UBE2G1: variants seen among roughly 807,000 people sequenced by gnomAD.
UBE2G1 encodes ubiquitin conjugating enzyme E2 G1, also known as ubiquitin-conjugating enzyme E2 G1.
In UBE2G1, 5 loss-of-function variants were observed where a neutral mutation model predicts 22.7. That is an observed-to-expected ratio of 0.22 (90% confidence interval 0.12 to 0.46). The LOEUF (loss-of-function observed/expected upper bound fraction) is 0.46. UBE2G1 is among the 20% of genes least tolerant of loss of function. The pLI, the probability that UBE2G1 is intolerant of heterozygous loss-of-function variation, is 0.99. For missense variants in UBE2G1, 88 were observed against 203.9 expected, an observed-to-expected ratio of 0.43 and a Z score of 3.46; for synonymous variants, 74 against 67.5, an observed-to-expected ratio of 1.10 and a Z score of -0.47.
chr17:4,294,835 C>T (rs1209888436), intron 3 of UBE2G1, among the ~76,000 whole-genome samples: 1 of 152,002 alleles, frequency 6.6e-6, no homozygotes, highest in Non-Finnish European at 1.5e-5. Context: ...CCCAGGAGGT[C>T]AAGGCTGCAG....
chr17:4,340,458 A>G (rs1969698043), intron 1 of UBE2G1, among the ~76,000 whole-genome samples: 1 of 152,102 alleles, frequency 6.6e-6, no homozygotes, highest in Non-Finnish European at 1.5e-5. Context: ...CTACAATTAC[A>G]TGTTGAGGGA....
At chr17:4,285,049 G>A (rs1481736756) in intron 4 of UBE2G1, among the ~76,000 whole-genome samples, 2 of 151,778 alleles carry the variant, frequency 1.3e-5, no homozygotes, top group East Asian at 1.9e-4. Context: ...TTACCATGTC[G>A]CCTAGGCTGG....
chr17:4,322,364 G>T (rs1303073678), intron 1 of UBE2G1, among the ~76,000 whole-genome samples: 1 of 152,210 alleles, frequency 6.6e-6, no homozygotes, highest in African/African-American at 2.4e-5. Flanking sequence ...CTCACCCTCT[G>T]TTGTATCTTC....
At chr17:4,325,493 C>T (rs1376753054) in intron 1 of UBE2G1, among the ~76,000 whole-genome samples, 1 of 152,076 alleles carries the variant, frequency 6.6e-6, no homozygotes. Flanking sequence ...GCTGGAAAGA[C>T]AAAAGTAAAA....
intron 1 of UBE2G1, among the ~76,000 whole-genome samples, chr17:4,349,734 T>C (rs981678086): frequency 3.3e-5 from 5 of 151,264 alleles, no homozygotes; most frequent in African/African-American, 9.7e-5. Context: ...TCCCAGCTAC[T>C]CGGGAGGCTG....
At chr17:4,275,864 T>C (rs1968815423) in intron 5 of UBE2G1, among the ~76,000 whole-genome samples, 1 of 152,182 alleles carries the variant, frequency 6.6e-6, no homozygotes, top group Admixed American at 6.5e-5. Flanking sequence ...CCGCTGACTT[T>C]TTCCCCCACA....
rs114537138 is a variant in UBE2G1 at position 4,355,228 on chromosome 17, C to T, written c.46+11043G>A. ...TGTTGGCCATGGCTTATCTCAAACT[C>T]CTGACCTCAGGTGATCCACCTGCCT... On this transcript the variant is annotated intron_variant, in intron 1 of 5. Coordinates refer to ENST00000396981, the MANE Select transcript of UBE2G1 (RefSeq NM_003342.5). 6.2e-3 allele frequency among the ~76,000 whole-genome samples: 937 copies of T among 151,492 alleles called. 6 individuals carry two copies. The highest frequency in any genetic ancestry group is 0.021 in the African/African-American group (882 of 41,372).
intron 1 of UBE2G1, among the ~76,000 whole-genome samples, chr17:4,350,088 G>A (rs147808063): frequency 2.5e-3 from 385 of 152,000 alleles, no homozygotes; most frequent in African/African-American, 8.6e-3. Context: ...TGCACCCAGC[G>A]CTTAAAACTT....
At chr17:4,339,612 T>C (rs1302014501) in intron 1 of UBE2G1, among the ~76,000 whole-genome samples, 1 of 152,122 alleles carries the variant, frequency 6.6e-6, no homozygotes, top group East Asian at 1.9e-4. Context: ...GCTCAAGCTC[T>C]TAACTCTTTT....
chr17:4,290,644 C>CTTT (rs372483601), intron 3 of UBE2G1, among the ~76,000 whole-genome samples: 74,113 of 137,894 alleles, frequency 0.54, 22,837 homozygotes, highest in East Asian at 0.79. Flanking sequence ...GCTAACCTGA[C>CTTT]TTTTTTTTTT....
rs1238768389 is a variant in UBE2G1, at chr17:4,294,939, G to GGAGGGAGGGAGCGAGA, written c.247+1762_247+1777dup. ...ACGGAATGGGAGAAACGTACGTGAG[G>GGAGGGAGGGAGCGAGA]GAGGGAGGGAGCGAGAGAGGGAGAG... On this transcript the variant is annotated intron_variant, in intron 3 of 5. Coordinates refer to ENST00000396981, the MANE Select transcript of UBE2G1 (RefSeq NM_003342.5). 4.0e-5 allele frequency among the ~76,000 whole-genome samples: 6 copies of GGAGGGAGGGAGCGAGA among 151,742 alleles called. No homozygotes were observed. The East Asian group carries it at 1.2e-3, about 29-fold the overall frequency.
intron 3 of UBE2G1, among the ~76,000 whole-genome samples, chr17:4,290,640 C>G (rs1969022381): frequency 8.4e-6 from 1 of 118,760 alleles, no homozygotes; most frequent in Non-Finnish European, 1.8e-5. Flanking sequence ...CCTGGCTAAC[C>G]TGACTTTTTT....
At position 4,363,734 on chromosome 17, in the gene UBE2G1, C is replaced by A. The variant is rs945059643; in HGVS notation, c.46+2537G>T. ...TTGGGAGGCTGAGACGGGCGGATCA[C>A]GAGGTCAGGAGATCAAGACCATCCT... On this transcript the variant is annotated intron_variant, in intron 1 of 5. Transcript: ENST00000396981. 1.3e-3 allele frequency among the ~76,000 whole-genome samples: 205 copies of A among 151,930 alleles called. 1 individual carries two copies. Among genetic ancestry groups the A allele is most frequent in the Middle Eastern group, 0.01 (3 of 294 alleles).
chr17:4,332,896 T>C (rs1428367972), intron 1 of UBE2G1, among the ~76,000 whole-genome samples: 1 of 152,168 alleles, frequency 6.6e-6, no homozygotes, highest in African/African-American at 2.4e-5. Flanking sequence ...CCTCTTTCCC[T>C]GTTCTAGTTT....
At chr17:4,344,325 G>T (rs906293512) in intron 1 of UBE2G1, among the ~76,000 whole-genome samples, 1 of 151,998 alleles carries the variant, frequency 6.6e-6, no homozygotes, top group Non-Finnish European at 1.5e-5. Context: ...CGGATCACGA[G>T]GTCAGGACAT....
At chr17:4,332,616 G>A (rs541950089) in intron 1 of UBE2G1, among the ~76,000 whole-genome samples, 29 of 151,296 alleles carry the variant, frequency 1.9e-4, no homozygotes, top group African/African-American at 6.3e-4. Context: ...CTCTGCCACC[G>A]CAGGGGCTTT....
intron 3 of UBE2G1, among the ~76,000 whole-genome samples, chr17:4,293,480 G>A (rs900794020): frequency 6.6e-6 from 1 of 152,154 alleles, no homozygotes. Context: ...AAATGCTGCT[G>A]TGAACACTCG....
rs1032913401 is a variant in UBE2G1, at chr17:4,275,014, T to A, written c.*38-2498A>T. Among the ~76,000 whole-genome samples, 5 of 149,252 alleles carry A rather than the reference T, an allele frequency of 3.4e-5. No homozygotes were observed. The East Asian group carries it at 9.9e-4, about 30-fold the overall frequency. ...ACTGAAGCCTGAGTGACAGTAAGAG[T>A]GAGACCTTGTCTCAAAAAAGGAACA... On this transcript the variant is annotated intron_variant, in intron 5 of 5. Transcript: ENST00000396981.
chr17:4,357,818 G>C (rs1051004369), intron 1 of UBE2G1, among the ~76,000 whole-genome samples: 3 of 151,744 alleles, frequency 2.0e-5, no homozygotes, highest in Non-Finnish European at 2.9e-5. Flanking sequence ...AAAAAAAATA[G>C]ACTGGATGTG....
Sources: gnomAD v4.1 joint callset for allele counts (sites outside exome capture counted in the v4.1 genomes callset) on GRCh38, gnomAD v4.1.1 for gene constraint, MANE v1.5 for transcripts, NCBI Gene and HGNC (gene_info 2026-07-23, HGNC 2026-07-21) for gene names.